Variants in GPR137B observed in about 807,000 individuals in gnomAD.
GPR137B encodes G protein-coupled receptor 137B, also known as integral membrane protein GPR137B.
A neutral mutation model predicts 42.5 loss-of-function variants in GPR137B; 42 were observed. The ratio of observed to expected loss-of-function variants is 0.99; its 90% CI spans 0.77 to 1.28. The LOEUF (loss-of-function observed/expected upper bound fraction) is 1.28, where lower values mean the gene tolerates loss of function less well. GPR137B is among the 50% of genes most tolerant of loss of function. The pLI is 0.00. For synonymous variants in GPR137B, 218 were observed against 209.7 expected (o/e 1.04, Z -0.34); for missense variants, 487 against 493.9 (o/e 0.99, Z 0.13).
At chr1:236,152,282 T>C (rs534211753) in intron 1 of GPR137B, among the ~76,000 whole-genome samples, 19 of 151,756 alleles carry the variant, frequency 1.3e-4, no homozygotes, top group Admixed American at 2.6e-4. Context: ...GGCAATATAG[T>C]GAGATCTCAT....
chr1:236,168,879 CT>C, intron 2 of GPR137B, 124 bp downstream of exon 2: 1 of 748,058 alleles, frequency 1.3e-6, no homozygotes, highest in East Asian at 2.5e-5. Context: ...GTCCTGCCTG[CT>C]GGCTGGCTGC....
chr1:236,144,307 C>A (rs1661623381), intron 1 of GPR137B, among the ~76,000 whole-genome samples: 1 of 151,914 alleles, frequency 6.6e-6, no homozygotes, highest in African/African-American at 2.4e-5. Flanking sequence ...TCCAGCTACT[C>A]AGGAGGCTGA....
intron 1 of GPR137B, among the ~76,000 whole-genome samples, chr1:236,145,984 A>G (rs1229938418): frequency 6.6e-6 from 1 of 152,052 alleles, no homozygotes; most frequent in Non-Finnish European, 1.5e-5. Context: ...CAGCCTCCCG[A>G]GTATCTGGGA....
chr1:236,151,991 A>C (rs1661880959), intron 1 of GPR137B, among the ~76,000 whole-genome samples: 1 of 152,020 alleles, frequency 6.6e-6, no homozygotes, highest in Non-Finnish European at 1.5e-5. Context: ...GGTGTGAGCA[A>C]CCTTGGCGTG....
chr1:236,179,943 C>T lies in GPR137B; in HGVS notation c.752C>T (p.Ala251Val). The change falls in exon 4 of 7, where the codon GCC becomes GTC. Residue 251 changes from alanine to valine, a missense_variant. Coordinates refer to ENST00000366592, the MANE Select transcript of GPR137B (RefSeq NM_003272.4). ...VTVILLYTSR[A>V]CYNLFILSFS... ...GTGATACTGCTTTACACCTCTCGGGCCTGCTACAACCTGTTCATCCTGTCA... is the reference window on the plus strand; with the variant it reads ...GTGATACTGCTTTACACCTCTCGGGTCTGCTACAACCTGTTCATCCTGTCA... 11 of 1,611,632 alleles carry T rather than the reference C, an allele frequency of 6.8e-6. No homozygotes were observed. Among genetic ancestry groups the T allele is most frequent in the Non-Finnish European group, 8.5e-6 (10 of 1,178,092 alleles).
At chr1:236,163,024 C>T (rs1662243999) in intron 1 of GPR137B, among the ~76,000 whole-genome samples, 1 of 152,218 alleles carries the variant, frequency 6.6e-6, no homozygotes, top group African/African-American at 2.4e-5. Context: ...CAACACCAGC[C>T]CGTGAAAGCA....
chr1:236,172,312 A>C (rs1276548302), intron 2 of GPR137B, among the ~76,000 whole-genome samples: 2 of 152,330 alleles, frequency 1.3e-5, no homozygotes, highest in East Asian at 3.9e-4. Flanking sequence ...TTCTAAATAG[A>C]TTGGCTTCCC....
intron 5 of GPR137B, among the ~76,000 whole-genome samples, chr1:236,198,175 T>C (rs969561994): frequency 6.6e-6 from 1 of 152,186 alleles, no homozygotes; most frequent in African/African-American, 2.4e-5. Flanking sequence ...ATACGAATTT[T>C]AGAATTTTTT....
chr1:236,180,311 A>C (rs1277796586), intron 4 of GPR137B: 1 of 288,102 alleles, frequency 3.5e-6, no homozygotes, highest in Non-Finnish European at 6.6e-6. Context: ...TTTTATTTTC[A>C]AATATTTTTG....
chr1:236,192,745 C>T (rs183783469), intron 5 of GPR137B, among the ~76,000 whole-genome samples: 10 of 135,618 alleles, frequency 7.4e-5, no homozygotes, highest in Admixed American at 3.6e-4. Flanking sequence ...CCTTCTGTGT[C>T]GATCTCGCTG....
At chr1:236,167,899 A>G (rs1662407595) in intron 1 of GPR137B, among the ~76,000 whole-genome samples, 1 of 152,218 alleles carries the variant, frequency 6.6e-6, no homozygotes, top group South Asian at 2.1e-4. Flanking sequence ...GCTCTCTGCC[A>G]TCCAGTGTGT....
chr1:236,168,574 G>A lies in GPR137B; in HGVS notation c.415-132G>A, dbSNP rs74643621. 1.8e-3 allele frequency: 1,225 copies of A among 696,318 alleles called. 13 individuals are homozygous for A. The East Asian group carries it at 0.026, about 15-fold the overall frequency. The allele number at this position is 696,318 out of a possible 1,614,324, so 43.1% of individuals were successfully genotyped here. On this transcript the variant is annotated intron_variant, in intron 1 of 6. Transcript: ENST00000366592. ...ATAAGAAATGTTTGGCATAACAAAC[G>A]TGGACATTTCAATTATAAAAAACGT...
chr1:236,208,340 T>TAAAG lies in GPR137B; in HGVS notation c.*184_*187dup. 1 of 1,308,758 alleles carries TAAAG rather than the reference T, an allele frequency of 7.6e-7. No homozygotes were observed. 81.1% of individuals were successfully genotyped at this position (1,308,758 alleles called of 1,614,324 possible). Reference sequence around the variant, plus strand: ...GACTGATAAACCCTTATTTTAGTACTAAAGAGGGAGCCTTGCTATTTCAGT... The same window carrying TAAAG: ...GACTGATAAACCCTTATTTTAGTACTAAAGAAAGAGGGAGCCTTGCTATTTCAGT... On this transcript the variant is annotated 3_prime_UTR_variant, in exon 7 of 7. Coordinates refer to ENST00000366592, the MANE Select transcript of GPR137B (RefSeq NM_003272.4).
chr1:236,142,615 G>A lies in GPR137B; in HGVS notation c.-8G>A. 7.5e-6 allele frequency: 10 copies of A among 1,330,832 alleles called. No homozygotes were observed. The highest frequency in any genetic ancestry group is 2.1e-5 in the South Asian group (1 of 48,256). 82.4% of individuals were successfully genotyped at this position (1,330,832 alleles called of 1,614,324 possible). On this transcript the variant is annotated 5_prime_UTR_variant, in exon 1 of 7. Coordinates refer to ENST00000366592, the MANE Select transcript of GPR137B (RefSeq NM_003272.4). ...CCCCCGCGGGGGCGGCGGCGGCCGT[G>A]AGCCCCGATGAGGCCCGAGCGTCCC...
intron 5 of GPR137B, among the ~76,000 whole-genome samples, chr1:236,202,645 T>A (rs1253996349): frequency 6.6e-6 from 1 of 151,286 alleles, no homozygotes; most frequent in Non-Finnish European, 1.5e-5. Flanking sequence ...GAACAGAATC[T>A]AGATCCAGAT....
intron 4 of GPR137B, among the ~76,000 whole-genome samples, chr1:236,182,041 C>T (rs555368274): frequency 1.4e-3 from 219 of 151,928 alleles, no homozygotes; most frequent in Non-Finnish European, 2.7e-3. Context: ...TACAGGCAAG[C>T]GCCACCATGC....
At position 236,161,879 on chromosome 1, in the gene GPR137B, A is replaced by G. The variant is rs1053794198; in HGVS notation, c.415-6827A>G. 8.5e-5 allele frequency among the ~76,000 whole-genome samples: 13 copies of G among 152,250 alleles called. No individual in the cohort carries two copies. The South Asian group carries it at 1.5e-3, about 17-fold the overall frequency. On this transcript the variant is annotated intron_variant, in intron 1 of 6. Coordinates refer to ENST00000366592, the MANE Select transcript of GPR137B (RefSeq NM_003272.4). The stretch of plus-strand genomic sequence containing the variant: ...CCTCTTTTTCTTCCTAGTCTCGGGT[A>G]TGTCTTTATCAGCAGTGTGAAAATG...
intron 6 of GPR137B, chr1:236,207,410 T>G: frequency 6.6e-6 from 2 of 304,574 alleles, no homozygotes; most frequent in Non-Finnish European, 9.6e-6. Context: ...CTGCATCTCC[T>G]ATTAGTTGCT....
chr1:236,178,774 G>T, intron 3 of GPR137B, 138 bp downstream of exon 3: 1 of 224,640 alleles, frequency 4.5e-6, no homozygotes, highest in Non-Finnish European at 9.2e-6. Flanking sequence ...CCCACACAGG[G>T]GCTACTCGAG....
Sources: allele counts gnomAD v4.1 joint callset (sites outside exome capture counted in the v4.1 genomes callset), GRCh38; gene constraint gnomAD v4.1.1; transcripts MANE v1.5; gene names NCBI Gene and HGNC (gene_info 2026-07-23, HGNC 2026-07-21).